ROBO2: variants seen among roughly 807,000 people sequenced by gnomAD.
ROBO2 encodes roundabout homolog 2.
ROBO2 carries 53 observed loss-of-function variants against 160.8 expected under a neutral mutation model. The ratio of observed to expected loss-of-function variants is 0.33; its 90% CI spans 0.26 to 0.41. ROBO2 has a LOEUF of 0.41. ROBO2 is among the 10% of genes least tolerant of loss of function. The pLI, the probability that ROBO2 is intolerant of heterozygous loss-of-function variation, is 1.00. For missense variants in ROBO2, 1,577 were observed against 1,722.4 expected (o/e 0.92, Z 1.49); for synonymous variants, 664 against 611.7 (o/e 1.09, Z -1.26).
intron 5 of ROBO2, among the ~76,000 whole-genome samples, chr3:77,508,080 T>C (rs2088833179): frequency 6.6e-6 from 1 of 151,810 alleles, no homozygotes; most frequent in Non-Finnish European, 1.5e-5. Context: ...TGCTTTGGAT[T>C]TGATCTTATA....
At chr3:76,621,748 A>G (rs181241048) in intron 2 of ROBO2, among the ~76,000 whole-genome samples, 3 of 152,334 alleles carry the variant, frequency 2.0e-5, no homozygotes, top group East Asian at 3.9e-4. Flanking sequence ...ATTAGTTTTA[A>G]TTCAGGGAGA....
chr3:76,946,192 A>T (rs1358172780), intron 2 of ROBO2, among the ~76,000 whole-genome samples: 1 of 152,208 alleles, frequency 6.6e-6, no homozygotes, highest in Non-Finnish European at 1.5e-5. Context: ...CTGAGTAGTC[A>T]TCAGAATATG....
chr3:77,593,619 C>A (rs1289232495), intron 17 of ROBO2, among the ~76,000 whole-genome samples: 2 of 152,060 alleles, frequency 1.3e-5, no homozygotes, highest in South Asian at 2.1e-4. Flanking sequence ...CTCATGAAGA[C>A]CCTTGGAGTT....
intron 2 of ROBO2, among the ~76,000 whole-genome samples, chr3:77,474,390 A>T (rs754483415): frequency 6.6e-6 from 1 of 152,174 alleles, no homozygotes; most frequent in African/African-American, 2.4e-5. Flanking sequence ...GAAACATCAG[A>T]GGCAAAGGGG....
At chr3:76,474,565 A>C (rs975256587) in intron 2 of ROBO2, among the ~76,000 whole-genome samples, 13 of 152,210 alleles carry the variant, frequency 8.5e-5, no homozygotes, top group Admixed American at 6.6e-4. Flanking sequence ...ATTCAGGAAG[A>C]GGAACACGAC....
chr3:76,709,378 C>T (rs1450573210), intron 2 of ROBO2, among the ~76,000 whole-genome samples: 6 of 152,162 alleles, frequency 3.9e-5, no homozygotes, highest in Admixed American at 3.9e-4. Context: ...GATATCACAG[C>T]CACTTTCACC....
intron 2 of ROBO2, among the ~76,000 whole-genome samples, chr3:76,990,590 C>G (rs1354633807): frequency 6.6e-6 from 1 of 152,126 alleles, no homozygotes; most frequent in African/African-American, 2.4e-5. Flanking sequence ...CTCTGGCCCC[C>G]CAACACACGC....
intron 2 of ROBO2, among the ~76,000 whole-genome samples, chr3:77,213,089 A>G (rs1267783099): frequency 6.6e-6 from 1 of 152,160 alleles, no homozygotes; most frequent in Non-Finnish European, 1.5e-5. Flanking sequence ...TGCTGGCCTC[A>G]TAAAATAAGT....
chr3:76,848,213 T>G (rs1577021892), intron 2 of ROBO2, among the ~76,000 whole-genome samples: 1 of 152,192 alleles, frequency 6.6e-6, no homozygotes, highest in East Asian at 1.9e-4. Flanking sequence ...GAAGTACTTC[T>G]CCAAATAAAT....
At chr3:76,721,456 T>C (rs935585998) in intron 2 of ROBO2, among the ~76,000 whole-genome samples, 1 of 152,190 alleles carries the variant, frequency 6.6e-6, no homozygotes, top group Non-Finnish European at 1.5e-5. Flanking sequence ...TAGTCAGAAA[T>C]AGTTTTCAGT....
intron 2 of ROBO2, among the ~76,000 whole-genome samples, chr3:77,186,282 C>T (rs143092374): frequency 6.6e-6 from 1 of 151,782 alleles, no homozygotes; most frequent in African/African-American, 2.4e-5. Context: ...TGGGGAAAGA[C>T]CTTTGGTTTT....
At chr3:76,616,378 C>T (rs1483701433) in intron 2 of ROBO2, among the ~76,000 whole-genome samples, 1 of 152,178 alleles carries the variant, frequency 6.6e-6, no homozygotes, top group East Asian at 1.9e-4. Flanking sequence ...TTGGATATCT[C>T]CCTTCTGATA....
rs191473175 is a variant in ROBO2, at chr3:76,610,183, T to C, written c.110-487831T>C. Among the ~76,000 whole-genome samples the C allele has an allele frequency of 6.2e-4, 95 of 152,336 alleles. 1 individual carries two copies. The highest frequency in any genetic ancestry group is 5.6e-3 in the South Asian group (27 of 4,828). On this transcript the variant is annotated intron_variant, in intron 2 of 26. Transcript: ENST00000487694. ...ATAGTTTCACTGATGTGTCTTTGTCTGGTTTTGGTATCAAGATAATACTAG... is the reference window on the plus strand; with the variant it reads ...ATAGTTTCACTGATGTGTCTTTGTCCGGTTTTGGTATCAAGATAATACTAG...
At chr3:77,414,726 A>G (rs73097779) in intron 2 of ROBO2, among the ~76,000 whole-genome samples, 338 of 152,366 alleles carry the variant, frequency 2.2e-3, no homozygotes, top group Non-Finnish European at 4.3e-3. Context: ...TGTGCAGTCC[A>G]TGATGCATTC....
intron 2 of ROBO2, among the ~76,000 whole-genome samples, chr3:77,290,653 A>C (rs566031575): frequency 6.3e-5 from 1 of 15,876 alleles, no homozygotes; most frequent in African/African-American, 7.6e-5. Context: ...CACCCAAGAC[A>C]CAAAGTAAAA....
At chr3:76,530,347 T>C (rs1241766440) in intron 2 of ROBO2, among the ~76,000 whole-genome samples, 14 of 152,188 alleles carry the variant, frequency 9.2e-5, no homozygotes, top group Admixed American at 9.2e-4. Context: ...CCTGCCTTGA[T>C]GTAGGCCTTG....
intron 2 of ROBO2, among the ~76,000 whole-genome samples, chr3:76,812,086 G>T (rs543438238): frequency 6.6e-6 from 1 of 151,674 alleles, no homozygotes. Context: ...AGCAAGCCAG[G>T]ATGGTCTTGA....
intron 2 of ROBO2, among the ~76,000 whole-genome samples, chr3:77,386,587 T>A (rs1169944984): frequency 6.9e-6 from 1 of 145,852 alleles, no homozygotes; most frequent in Non-Finnish European, 1.5e-5. Flanking sequence ...GAGTTAATTA[T>A]TTTTTCAGCC....
chr3:76,355,058 G>GTA (rs1433213528), intron 2 of ROBO2, among the ~76,000 whole-genome samples: 2 of 151,638 alleles, frequency 1.3e-5, no homozygotes, highest in Admixed American at 6.6e-5. Context: ...GTGTGTGTGT[G>GTA]TGTATGTATG....
Sources: allele counts gnomAD v4.1 joint callset (sites outside exome capture counted in the v4.1 genomes callset), GRCh38; gene constraint gnomAD v4.1.1; transcripts MANE v1.5; gene names NCBI Gene and HGNC (gene_info 2026-07-23, HGNC 2026-07-21).